Variants in KCND2 observed in about 807,000 individuals in gnomAD.
KCND2 encodes potassium voltage-gated channel subfamily D member 2, also known as A-type voltage-gated potassium channel KCND2.
A neutral mutation model predicts 54.4 loss-of-function variants in KCND2; 16 were observed. The ratio of observed to expected loss-of-function variants is 0.29; its 90% CI spans 0.20 to 0.45. The LOEUF (loss-of-function observed/expected upper bound fraction) is 0.45. Among genes scored for constraint, KCND2 ranks in the 20% least tolerant of loss-of-function variants. The pLI is 1.00. For missense variants in KCND2, 486 were observed against 824.2 expected (o/e 0.59, Z 5.02); for synonymous variants, 317 against 310.7 (o/e 1.02, Z -0.21).
intron 1 of KCND2, among the ~76,000 whole-genome samples, chr7:120,332,542 G>C (rs1800083333): frequency 6.6e-6 from 1 of 152,060 alleles, no homozygotes; most frequent in Non-Finnish European, 1.5e-5. Context: ...AGTGTTTTTA[G>C]TATAAATGAA....
In KCND2 at chr7:120,741,448, G is replaced by A. The variant is rs1208519148; in HGVS notation, c.1279-86G>A. On this transcript the variant is annotated intron_variant, in intron 2 of 5. Coordinates refer to ENST00000331113, the MANE Select transcript of KCND2 (RefSeq NM_012281.3). ...GCTTACTTTTAAAAATATGTAGGCT[G>A]ACAATAGGATTATACAAGGGTTCAT... is the stretch of plus-strand genomic sequence containing the variant. The A allele has an allele frequency of 1.2e-5, 11 of 912,478 alleles. 1 individual carries two copies. The East Asian group carries it at 2.2e-4, about 18-fold the overall frequency. The allele number at this position is 912,478 out of a possible 1,614,324, so 56.5% of individuals were successfully genotyped here.
At chr7:120,368,490 C>A (rs2116412020) in intron 1 of KCND2, among the ~76,000 whole-genome samples, 1 of 152,036 alleles carries the variant, frequency 6.6e-6, no homozygotes, top group African/African-American at 2.4e-5. Flanking sequence ...TGGGAATGAC[C>A]AATCATCTTT....
At chr7:120,319,469 T>C (rs1420352131) in intron 1 of KCND2, among the ~76,000 whole-genome samples, 1 of 152,106 alleles carries the variant, frequency 6.6e-6, no homozygotes, top group Non-Finnish European at 1.5e-5. Flanking sequence ...TGAAATTTAT[T>C]CATACAGTAG....
At chr7:120,745,628 T>C in intron 4 of KCND2, 152 bp from the exon 5 acceptor site, 2 of 779,156 alleles carry the variant, frequency 2.6e-6, no homozygotes, top group Non-Finnish European at 4.2e-6. Flanking sequence ...AGAAGTGGTT[T>C]TGATGTCAAT....
rs559147134 is a variant in KCND2, at chr7:120,749,321, G to T, written c.*1463G>T. 1.1e-4 allele frequency: 16 copies of T among 152,324 alleles called. No individual in the cohort carries two copies. The South Asian group carries it at 3.3e-3, about 32-fold the overall frequency. The allele number at this position is 152,324 out of a possible 1,614,324, so 9.4% of individuals were successfully genotyped here. The stretch of plus-strand genomic sequence containing the variant: ...TCTCCAATAAATCAGGAGAACAGGA[G>T]TTTGATGATGCAAAGTTGATCTCTG... On this transcript the variant is annotated 3_prime_UTR_variant, in exon 6 of 6. Transcript: ENST00000331113.
At chr7:120,671,735 G>A (rs147735804) in intron 1 of KCND2, among the ~76,000 whole-genome samples, 4 of 152,034 alleles carry the variant, frequency 2.6e-5, no homozygotes, top group African/African-American at 9.6e-5. Flanking sequence ...ATATCCAATG[G>A]TGCACCCTTT....
chr7:120,473,626 G>C (rs937082171), intron 1 of KCND2, among the ~76,000 whole-genome samples: 10 of 152,264 alleles, frequency 6.6e-5, no homozygotes, highest in African/African-American at 2.4e-4. Flanking sequence ...TTGTGTGTGT[G>C]TCAAGTCTAT....
chr7:120,275,311 G>C lies in KCND2; in HGVS notation c.679G>C (p.Val227Leu), dbSNP rs2116243532. The C allele has an allele frequency of 6.2e-7, 1 of 1,613,824 alleles. No homozygotes were observed. The highest frequency in any genetic ancestry group is 1.1e-5 in the South Asian group (1 of 91,060). ...KELPCGERYA[V>L]AFFCLDTACV... ...ACTGCCCTGTGGAGAGCGGTATGCT[G>C]TGGCCTTCTTCTGCTTGGACACGGC... The change falls in exon 1 of 6, where the codon GTG (valine) becomes CTG (leucine). Residue 227 changes from valine to leucine, a missense_variant. Transcript: ENST00000331113.
chr7:120,540,604 G>A (rs556987010), intron 1 of KCND2, among the ~76,000 whole-genome samples: 2 of 152,118 alleles, frequency 1.3e-5, no homozygotes, highest in African/African-American at 4.8e-5. Flanking sequence ...ATTTGTATAT[G>A]CAGTGATGCT....
chr7:120,316,659 G>A (rs1226442529), intron 1 of KCND2, among the ~76,000 whole-genome samples: 1 of 151,964 alleles, frequency 6.6e-6, no homozygotes, highest in East Asian at 1.9e-4. Context: ...TGACATATTG[G>A]CCACTTATTC....
chr7:120,641,856 A>G (rs1038689149), intron 1 of KCND2, among the ~76,000 whole-genome samples: 1 of 143,900 alleles, frequency 6.9e-6, no homozygotes, highest in Admixed American at 7.2e-5. Flanking sequence ...TAAAAAGATA[A>G]TAAAAAAAAA....
intron 1 of KCND2, among the ~76,000 whole-genome samples, chr7:120,678,751 T>C (rs1324686046): frequency 9.5e-5 from 8 of 83,788 alleles, no homozygotes; most frequent in African/African-American, 7.9e-4. Flanking sequence ...TATATATATA[T>C]ATATATATAT....
At chr7:120,456,731 T>A (rs1584786702) in intron 1 of KCND2, among the ~76,000 whole-genome samples, 1 of 152,186 alleles carries the variant, frequency 6.6e-6, no homozygotes, top group Non-Finnish European at 1.5e-5. Flanking sequence ...AGGCACAGGG[T>A]ACAAGATGTC....
chr7:120,667,977 A>G (rs1032884711), intron 1 of KCND2, among the ~76,000 whole-genome samples: 11 of 152,064 alleles, frequency 7.2e-5, no homozygotes, highest in Non-Finnish European at 1.2e-4. Flanking sequence ...AAAAGAGTAC[A>G]TTTAAATATC....
At chr7:120,451,912 AAG>A (rs1802117088) in intron 1 of KCND2, among the ~76,000 whole-genome samples, 1 of 152,248 alleles carries the variant, frequency 6.6e-6, no homozygotes, top group African/African-American at 2.4e-5. Flanking sequence ...CCGATTAATC[AAG>A]AGTCAACTTT....
intron 1 of KCND2, among the ~76,000 whole-genome samples, chr7:120,278,384 T>A (rs1799210219): frequency 6.6e-6 from 1 of 151,930 alleles, no homozygotes; most frequent in South Asian, 2.1e-4. Context: ...CAACTATGTC[T>A]GAATGATTAT....
intron 1 of KCND2, among the ~76,000 whole-genome samples, chr7:120,684,358 A>T (rs1422169336): frequency 6.6e-6 from 1 of 152,324 alleles, no homozygotes; most frequent in East Asian, 1.9e-4. Flanking sequence ...ATTAATCAGG[A>T]GAAAAAAGTA....
intron 1 of KCND2, among the ~76,000 whole-genome samples, chr7:120,561,822 G>A (rs1562873710): frequency 6.6e-6 from 1 of 152,008 alleles, no homozygotes; most frequent in Non-Finnish European, 1.5e-5. Context: ...ATGTTAGTCA[G>A]GCTGGCCGCG....
chr7:120,364,695 C>T (rs146777096), intron 1 of KCND2, among the ~76,000 whole-genome samples: 118 of 152,080 alleles, frequency 7.8e-4, no homozygotes, highest in African/African-American at 2.6e-3. Context: ...AGGATTCTGG[C>T]TAAACTGACC....
Sources: gnomAD v4.1 joint callset for allele counts (sites outside exome capture counted in the v4.1 genomes callset) on GRCh38, gnomAD v4.1.1 for gene constraint, MANE v1.5 for transcripts, NCBI Gene and HGNC (gene_info 2026-07-23, HGNC 2026-07-21) for gene names.